ZFAND6: variants seen among roughly 807,000 people sequenced by gnomAD.
ZFAND6 encodes the protein AN1-type zinc finger protein 6.
In ZFAND6, 12 loss-of-function variants were observed where a neutral mutation model predicts 24.5. The observed-to-expected ratio is 0.49, with a 90% CI of 0.31 to 0.79. The LOEUF is 0.79. Ranked by LOEUF, ZFAND6 falls within the 30% of genes least tolerant of loss-of-function variation. The probability of loss-of-function intolerance (pLI) is 0.04; values close to 1 mark genes in which losing one functional copy is unlikely to be tolerated. For missense variants in ZFAND6, 207 were observed against 245.9 expected (o/e 0.84, Z 1.06); for synonymous variants, 92 against 81.5 (o/e 1.13, Z -0.69).
intron 1 of ZFAND6, among the ~76,000 whole-genome samples, chr15:80,068,568 C>T (rs896217216): frequency 1.3e-5 from 2 of 152,144 alleles, no homozygotes; most frequent in African/African-American, 4.8e-5. Context: ...GACTGGGTTT[C>T]GCCATATTGG....
At chr15:80,111,061 A>G (rs2039584461) in intron 2 of ZFAND6, among the ~76,000 whole-genome samples, 1 of 152,252 alleles carries the variant, frequency 6.6e-6, no homozygotes, top group Non-Finnish European at 1.5e-5. Context: ...TCAGTAATAC[A>G]GATACCCTTC....
intron 1 of ZFAND6, among the ~76,000 whole-genome samples, chr15:80,066,236 C>T (rs1472355541): frequency 6.6e-6 from 1 of 151,792 alleles, no homozygotes; most frequent in East Asian, 1.9e-4. Flanking sequence ...GAGACTGTCT[C>T]TCTGAGGATG....
At chr15:80,092,855 A>T (rs965534306) in intron 1 of ZFAND6, among the ~76,000 whole-genome samples, 1 of 152,174 alleles carries the variant, frequency 6.6e-6, no homozygotes, top group Non-Finnish European at 1.5e-5. Context: ...TTATATTAAA[A>T]TACTTTTATA....
chr15:80,060,237 C>T (rs1207649698), intron 1 of ZFAND6: 1 of 152,112 alleles, frequency 6.6e-6, no homozygotes, highest in Non-Finnish European at 1.5e-5. Flanking sequence ...CCCGCCTCCT[C>T]CGAGTCTCAG....
At chr15:80,102,819 G>T (rs2039107602) in intron 2 of ZFAND6, among the ~76,000 whole-genome samples, 1 of 152,158 alleles carries the variant, frequency 6.6e-6, no homozygotes, top group Admixed American at 6.5e-5. Flanking sequence ...TTAATGTTAT[G>T]TTCTAAAAGA....
chr15:80,095,510 C>A (rs2038666238), intron 1 of ZFAND6, among the ~76,000 whole-genome samples: 1 of 152,180 alleles, frequency 6.6e-6, no homozygotes, highest in African/African-American at 2.4e-5. Context: ...ATCAAACTTT[C>A]ATTCACAAAG....
At chr15:80,103,767 A>G (rs2039160335) in intron 2 of ZFAND6, among the ~76,000 whole-genome samples, 1 of 152,208 alleles carries the variant, frequency 6.6e-6, no homozygotes, top group Non-Finnish European at 1.5e-5. Flanking sequence ...GCAATCTTTG[A>G]TAGAACAAAA....
rs1163403332 is a variant in ZFAND6 at position 80,122,807 on chromosome 15, A to C, written c.364+7A>C. 1 of 1,601,976 alleles carries C rather than the reference A, an allele frequency of 6.2e-7. No individual in the cohort carries two copies. The highest frequency in any genetic ancestry group is 8.5e-7 in the Non-Finnish European group (1 of 1,169,608). On this transcript the variant is annotated splice_region_variant and intron_variant, in intron 5 of 6. Transcript: ENST00000261749. ...GAAACAGAAGATGTGCAGGGTTTGT[A>C]TATGAACTAGCATGTATTTTGTTAT...
rs1469427030 is a variant in ZFAND6, at chr15:80,137,907, T to G, written c.*279T>G. 1 of 252,060 alleles carries G rather than the reference T, an allele frequency of 4.0e-6. No homozygotes were observed. Among genetic ancestry groups the G allele is most frequent in the Non-Finnish European group, 7.5e-6 (1 of 133,710 alleles). The allele number at this position is 252,060 out of a possible 1,614,324, so 15.6% of individuals were successfully genotyped here. A position where few individuals can be genotyped will look rare whatever the true frequency, so the allele number is the denominator to read the frequency against. The stretch of plus-strand genomic sequence containing the variant: ...TTTTATAACAAACGTGCAGAAATTT[T>G]GGAGGGCTGTGATTTTTCCAGTATT... On this transcript the variant is annotated 3_prime_UTR_variant, in exon 7 of 7. Transcript: ENST00000261749.
intron 2 of ZFAND6, among the ~76,000 whole-genome samples, chr15:80,117,227 CTTT>C (rs200010368): frequency 6.9e-6 from 1 of 145,982 alleles, no homozygotes; most frequent in Non-Finnish European, 1.5e-5. Context: ...ACTGAATACT[CTTT>C]TTTTTTTTTT....
intron 1 of ZFAND6, among the ~76,000 whole-genome samples, chr15:80,073,088 A>C (rs2037067503): frequency 6.6e-6 from 1 of 151,956 alleles, no homozygotes; most frequent in Non-Finnish European, 1.5e-5. Context: ...CCAACTGTTT[A>C]ATTTTTTTAA....
chr15:80,131,241 G>A lies in ZFAND6; in HGVS notation c.426G>A (p.Pro142=), dbSNP rs749540898. 12 of 1,612,406 alleles carry A rather than the reference G, an allele frequency of 7.4e-6. No homozygotes were observed. Among genetic ancestry groups the A allele is most frequent in the East Asian group, 6.7e-5 (3 of 44,862 alleles). Residue 142 remains proline, a synonymous_variant, in exon 6 of 7, where the codon CCG becomes CCA. Coordinates refer to ENST00000261749, the MANE Select transcript of ZFAND6 (RefSeq NM_019006.4). The part of the protein sequence containing the change: ...SEEQSKSLEK[P]KQKKNRCFMC... ...AGCAAAGCAAGTCTCTTGAAAAACC[G>A]AAACAAAAAAAGAATCGCTGTTTCA...
chr15:80,132,052 C>T (rs976582965), intron 6 of ZFAND6, among the ~76,000 whole-genome samples: 7 of 152,114 alleles, frequency 4.6e-5, no homozygotes, highest in African/African-American at 1.7e-4. Context: ...AGGGGAATGT[C>T]GCTGTGTAGC....
chr15:80,075,667 A>T (rs2037231452), intron 1 of ZFAND6, among the ~76,000 whole-genome samples: 1 of 152,156 alleles, frequency 6.6e-6, no homozygotes, highest in Admixed American at 6.5e-5. Flanking sequence ...GAAAAAACTT[A>T]ATGGGCAGTA....
intron 2 of ZFAND6, among the ~76,000 whole-genome samples, chr15:80,111,025 T>C (rs1219867047): frequency 3.3e-5 from 5 of 152,114 alleles, no homozygotes; most frequent in Admixed American, 6.5e-5. Flanking sequence ...AAAGAAAACA[T>C]AGTAGGCAGA....
intron 2 of ZFAND6, among the ~76,000 whole-genome samples, chr15:80,105,441 A>C (rs1005281083): frequency 5.3e-5 from 8 of 152,186 alleles, no homozygotes; most frequent in Non-Finnish European, 1.2e-4. Context: ...TGCAGCTACT[A>C]TTAAATAGTG....
chr15:80,133,695 A>C (rs1050077951), intron 6 of ZFAND6, among the ~76,000 whole-genome samples: 1 of 152,206 alleles, frequency 6.6e-6, no homozygotes, highest in African/African-American at 2.4e-5. Flanking sequence ...GAAAAAGGTC[A>C]CAAAGATCTA....
chr15:80,100,692 C>A (rs2038983054), intron 2 of ZFAND6, among the ~76,000 whole-genome samples: 1 of 152,154 alleles, frequency 6.6e-6, no homozygotes, highest in Non-Finnish European at 1.5e-5. Context: ...GTACGAAATT[C>A]TGTCATTTGG....
intron 2 of ZFAND6, chr15:80,111,580 A>G (rs1387148007): frequency 2.4e-5 from 11 of 455,650 alleles, no homozygotes; most frequent in Non-Finnish European, 8.8e-6. Flanking sequence ...TTTTACCAGT[A>G]TAACTATATA....
Sources: gnomAD v4.1 joint callset for allele counts (sites outside exome capture counted in the v4.1 genomes callset) on GRCh38, gnomAD v4.1.1 for gene constraint, MANE v1.5 for transcripts, NCBI Gene and HGNC (gene_info 2026-07-23, HGNC 2026-07-21) for gene names.